IL27: variants seen among roughly 807,000 people sequenced by gnomAD.
IL27 encodes interleukin-27 subunit alpha.
IL27 carries 11 observed loss-of-function variants against 27.0 expected under a neutral mutation model. That is an observed-to-expected ratio of 0.41 (90% confidence interval 0.26 to 0.67). IL27 has a LOEUF of 0.67. Ranked by LOEUF, IL27 falls within the 30% of genes least tolerant of loss-of-function variation. IL27 has a pLI of 0.34. For synonymous variants in IL27, 134 were observed against 140.6 expected (o/e 0.95, Z 0.33); for missense variants, 299 against 310.4 (o/e 0.96, Z 0.28).
Position 28,499,770 on chromosome 16 carries a change from G to T in IL27, c.613C>A (p.Arg205Ser), listed in dbSNP as rs750265879. The change falls in exon 5 of 5, where the codon CGC becomes AGC. Residue 205 changes from arginine (R) to serine (S), a missense_variant. By Grantham distance (110) the Arg-to-Ser change is moderately radical. Coordinates refer to ENST00000356897, the MANE Select transcript of IL27 (RefSeq NM_145659.3). ...ACGAGCTCCAAGGAGTGCAGCAGGCGGTAGGTGGAGAGGAGCTGGGGCCAG... is the reference window on the plus strand; with the variant it reads ...ACGAGCTCCAAGGAGTGCAGCAGGCTGTAGGTGGAGAGGAGCTGGGGCCAG... ...VSWPQLLSTY[R>S]LLHSLELVLS... 4 of 1,612,318 alleles carry T rather than the reference G, an allele frequency of 2.5e-6. No individual in the cohort carries two copies. The highest frequency in any genetic ancestry group is 1.7e-5 in the Admixed American group (1 of 59,766).
intron 4 of IL27, among the ~76,000 whole-genome samples, chr16:28,501,563 A>G (rs114558014): frequency 6.7e-5 from 8 of 119,934 alleles, no homozygotes; most frequent in Non-Finnish European, 9.9e-5. Context: ...CAGCCCCCCC[A>G]CACACACACT....
At chr16:28,503,084 A>G (rs2141738096) in intron 3 of IL27, among the ~76,000 whole-genome samples, 1 of 151,990 alleles carries the variant, frequency 6.6e-6, no homozygotes, top group African/African-American at 2.4e-5. Context: ...AGCCTCCCAC[A>G]GTGCTGGGAT....
Position 28,499,731 on chromosome 16 carries a change from C to A in IL27, c.652G>T (p.Val218Leu). The A allele has an allele frequency of 1.2e-6, 2 of 1,613,608 alleles. No individual in the cohort carries two copies. The highest frequency in any genetic ancestry group is 1.7e-6 in the Non-Finnish European group (2 of 1,179,802). The change falls in exon 5 of 5, where the codon GTG (valine) becomes TTG (leucine). Residue 218 changes from valine (V) to leucine (L), a missense_variant. Transcript: ENST00000356897. Reference sequence around the variant, plus strand: ...TTGGACAGCAGCAGCAACTCCCGCACGGCCCGAGATAAGACGAGCTCCAAG... The same window carrying A: ...TTGGACAGCAGCAGCAACTCCCGCAAGGCCCGAGATAAGACGAGCTCCAAG... ...HSLELVLSRA[V>L]RELLLLSKAG...
rs771902135 is a variant in IL27 at position 28,499,731 on chromosome 16, C to T, written c.652G>A (p.Val218Met). Residue 218 changes from valine to methionine, a missense_variant, in exon 5 of 5, where the codon GTG becomes ATG. Coordinates refer to ENST00000356897, the MANE Select transcript of IL27 (RefSeq NM_145659.3). ...TTGGACAGCAGCAGCAACTCCCGCA[C>T]GGCCCGAGATAAGACGAGCTCCAAG... is the stretch of plus-strand genomic sequence containing the variant. Reference protein sequence around the residue: ...HSLELVLSRAVRELLLLSKAG... With the variant: ...HSLELVLSRAMRELLLLSKAG... 8.7e-6 allele frequency: 14 copies of T among 1,613,490 alleles called. No homozygotes were observed. Among genetic ancestry groups the T allele is most frequent in the Admixed American group, 3.3e-5 (2 of 59,932 alleles).
At chr16:28,501,869 ACTCACACT>A (rs1160363952) in intron 4 of IL27, 99 bp downstream of exon 4, 1 of 1,328,444 alleles carries the variant, frequency 7.5e-7, no homozygotes, top group Non-Finnish European at 1.0e-6. Flanking sequence ...ACTCAGTCAC[ACTCACACT>A]CTCACACTCA....
At position 28,499,368 on chromosome 16, in the gene IL27, A is replaced by T; in HGVS notation, c.*283T>A. On this transcript the variant is annotated 3_prime_UTR_variant, in exon 5 of 5. Coordinates refer to ENST00000356897, the MANE Select transcript of IL27 (RefSeq NM_145659.3). ...GAGAAGCGGAGGCCAGGGGTGGATG[A>T]GAGTGCTTTATTGGGCACCCAGCAT... is the stretch of plus-strand genomic sequence containing the variant. 2.5e-6 allele frequency: 1 copy of T among 397,182 alleles called. No individual in the cohort carries two copies. Among genetic ancestry groups the T allele is most frequent in the Non-Finnish European group, 4.6e-6 (1 of 217,788 alleles). 24.6% of individuals were successfully genotyped at this position (397,182 alleles called of 1,614,324 possible).
intron 4 of IL27, 148 bp downstream of exon 4, chr16:28,501,828 C>G (rs1446779479): frequency 4.2e-6 from 4 of 958,796 alleles, no homozygotes; most frequent in African/African-American, 3.2e-5. Flanking sequence ...CACAGTCACT[C>G]TCACACTCAT....
intron 3 of IL27, among the ~76,000 whole-genome samples, chr16:28,502,674 C>T (rs867169583): frequency 6.6e-6 from 1 of 152,056 alleles, no homozygotes; most frequent in Non-Finnish European, 1.5e-5. Context: ...TCTAACTATC[C>T]GCATTCTCAC....
chr16:28,502,266 C>A (rs1170228524), intron 3 of IL27, 132 bp from the exon 4 acceptor site: 6 of 780,974 alleles, frequency 7.7e-6, no homozygotes, highest in African/African-American at 5.2e-5. Context: ...GCTCTTCCCC[C>A]ACCTCAGCCC....
At chr16:28,501,340 ACT>A (rs1184938728) in intron 4 of IL27, among the ~76,000 whole-genome samples, 1 of 150,866 alleles carries the variant, frequency 6.6e-6, no homozygotes, top group East Asian at 1.9e-4. Context: ...ACACTCCCAC[ACT>A]CTTACACTCA....
intron 3 of IL27, among the ~76,000 whole-genome samples, chr16:28,503,172 G>A (rs1002379128): frequency 3.3e-5 from 5 of 152,096 alleles, no homozygotes; most frequent in Non-Finnish European, 7.4e-5. Flanking sequence ...TGGCCAGGCT[G>A]GTCTTGAACT....
At chr16:28,505,229 C>A (rs966508567) in intron 1 of IL27, among the ~76,000 whole-genome samples, 1 of 152,234 alleles carries the variant, frequency 6.6e-6, no homozygotes, top group Non-Finnish European at 1.5e-5. Context: ...GATGGGCTGG[C>A]AATGCCAGAG....
intron 4 of IL27, 35 bp downstream of exon 4, chr16:28,501,941 G>A (rs764418311): frequency 8.2e-6 from 13 of 1,581,532 alleles, no homozygotes; most frequent in African/African-American, 2.7e-5. Context: ...TCTTTCCCAC[G>A]TGGTCTGGGG....
At chr16:28,506,205 G>T (rs945694560) in intron 1 of IL27, among the ~76,000 whole-genome samples, 2 of 152,076 alleles carry the variant, frequency 1.3e-5, no homozygotes, top group Admixed American at 6.6e-5. Context: ...GCCTTTGAAG[G>T]CTCTGTCTCC....
At chr16:28,506,754 G>GC (rs1453262737) in intron 1 of IL27, 27 bp downstream of exon 1, 1 of 1,606,432 alleles carries the variant, frequency 6.2e-7, no homozygotes, top group Non-Finnish European at 8.5e-7. Context: ...ACTCAACCAA[G>GC]CCCCCCACCC....
At chr16:28,505,871 G>A (rs559647485) in intron 1 of IL27, among the ~76,000 whole-genome samples, 1 of 152,084 alleles carries the variant, frequency 6.6e-6, no homozygotes, top group African/African-American at 2.4e-5. Context: ...TCTGCTCTTC[G>A]AAATGTCCCC....
chr16:28,502,598 C>T (rs984702225), intron 3 of IL27, among the ~76,000 whole-genome samples: 14 of 152,014 alleles, frequency 9.2e-5, no homozygotes, highest in African/African-American at 3.4e-4. Context: ...TTCCCTTCCC[C>T]ACCAGCAATC....
chr16:28,501,468 C>T (rs28607989), intron 4 of IL27, among the ~76,000 whole-genome samples: 145,725 of 147,116 alleles, frequency 0.99, 72,167 homozygotes, highest in Non-Finnish European at 0.99. Context: ...ACACTCACAG[C>T]CACACACTTT....
chr16:28,500,036 T>A lies in IL27; in HGVS notation c.463-116A>T, dbSNP rs573493432. 1.1e-4 allele frequency: 146 copies of A among 1,326,254 alleles called. 3 individuals carry two copies. The South Asian group carries it at 2.1e-3, about 19-fold the overall frequency. 82.2% of individuals were successfully genotyped at this position (1,326,254 alleles called of 1,614,324 possible). A position where few individuals can be genotyped will look rare whatever the true frequency, so the allele number is the denominator to read the frequency against. On this transcript the variant is annotated intron_variant, in intron 4 of 4. Coordinates refer to ENST00000356897, the MANE Select transcript of IL27 (RefSeq NM_145659.3). ...ACATCAGTGACCACAAGGTCATGAT[T>A]TCCCCGGACATTCCCTGCTTGATCT...
Sources: allele counts gnomAD v4.1 joint callset (sites outside exome capture counted in the v4.1 genomes callset), GRCh38; gene constraint gnomAD v4.1.1; transcripts MANE v1.5; gene names NCBI Gene and HGNC (gene_info 2026-07-23, HGNC 2026-07-21).